The following CACNA2D3 variants were observed in gnomAD, a reference collection of about 807,000 sequenced individuals.
CACNA2D3 encodes the protein voltage-dependent calcium channel subunit alpha-2/delta-3.
CACNA2D3 carries 60 observed loss-of-function variants against 160.6 expected under a neutral mutation model. The observed-to-expected ratio is 0.37, with a 90% confidence interval of 0.30 to 0.46. The LOEUF (loss-of-function observed/expected upper bound fraction) is 0.46. CACNA2D3 is among the 20% of genes least tolerant of loss of function. The pLI, the probability that CACNA2D3 is intolerant of heterozygous loss-of-function variation, is 1.00. For synonymous variants in CACNA2D3, 558 were observed against 492.9 expected (o/e 1.13, Z -1.75); for missense variants, 1,205 against 1,365.0 (o/e 0.88, Z 1.85).
intron 35 of CACNA2D3, among the ~76,000 whole-genome samples, chr3:55,065,937 A>G (rs138858373): frequency 6.5e-4 from 99 of 152,350 alleles, no homozygotes; most frequent in African/African-American, 2.3e-3. Flanking sequence ...AATAATCATA[A>G]GGAGAAAATA....
rs36205023 is a variant in CACNA2D3, at chr3:54,926,505, T to TACACAC, written c.2449+26680_2449+26685dup. Among the ~76,000 whole-genome samples, 527 of 143,390 alleles carry TACACAC rather than the reference T, an allele frequency of 3.7e-3. 3 individuals are homozygous for TACACAC. The highest frequency in any genetic ancestry group is 9.7e-3 in the South Asian group (41 of 4,234). 94.1% of individuals were successfully genotyped at this position (143,390 alleles called of 152,430 possible). ...CTACTGTGCTCCACTGCCTGTCAAA[T>TACACAC]ACACACACACACACACACACACACA... is the stretch of plus-strand genomic sequence containing the variant. On this transcript the variant is annotated intron_variant, in intron 27 of 37. Coordinates refer to ENST00000474759, the MANE Select transcript of CACNA2D3 (RefSeq NM_018398.3).
At chr3:54,913,562 G>C (rs1005502721) in intron 27 of CACNA2D3, among the ~76,000 whole-genome samples, 2 of 152,144 alleles carry the variant, frequency 1.3e-5, no homozygotes, top group African/African-American at 2.4e-5. Flanking sequence ...ATTATGAAAG[G>C]GTTCTTATTT....
chr3:54,384,314 T>G (rs1034054593), intron 3 of CACNA2D3, among the ~76,000 whole-genome samples: 14 of 152,258 alleles, frequency 9.2e-5, no homozygotes, highest in African/African-American at 3.1e-4. Context: ...ATGTAAGTAT[T>G]CAGACATGCA....
chr3:54,888,209 C>T (rs960117914), intron 24 of CACNA2D3, among the ~76,000 whole-genome samples, 157 bp downstream of exon 24: 6 of 152,200 alleles, frequency 3.9e-5, no homozygotes, highest in Admixed American at 3.3e-4. Flanking sequence ...AGCAGATTAG[C>T]GGCTCGGGCT....
intron 29 of CACNA2D3, among the ~76,000 whole-genome samples, chr3:54,981,613 A>G (rs1702509801): frequency 6.6e-6 from 1 of 152,206 alleles, no homozygotes; most frequent in Admixed American, 6.5e-5. Context: ...TTTTATTGGC[A>G]TCCCAGGCTT....
chr3:54,201,487 G>A (rs1041971439), intron 2 of CACNA2D3, among the ~76,000 whole-genome samples: 2 of 152,150 alleles, frequency 1.3e-5, no homozygotes, highest in African/African-American at 4.8e-5. Context: ...CAACCCTTAT[G>A]GGTCGTGTTC....
intron 18 of CACNA2D3, chr3:54,877,032 G>C (rs1364746913): frequency 1.3e-5 from 2 of 152,168 alleles, no homozygotes; most frequent in East Asian, 1.9e-4. Context: ...ACCTGGGGCT[G>C]TCTCCTTTTC....
intron 3 of CACNA2D3, among the ~76,000 whole-genome samples, chr3:54,371,140 A>G (rs1024741394): frequency 6.6e-6 from 1 of 151,718 alleles, no homozygotes; most frequent in Non-Finnish European, 1.5e-5. Flanking sequence ...GGTTGTTTCC[A>G]CCTTTTGGCT....
intron 5 of CACNA2D3, among the ~76,000 whole-genome samples, chr3:54,559,580 A>G (rs1381348785): frequency 6.6e-6 from 1 of 152,186 alleles, no homozygotes; most frequent in Non-Finnish European, 1.5e-5. Flanking sequence ...GGTGTGAGCC[A>G]TCACGCCTGG....
At chr3:54,213,900 G>C (rs1360083934) in intron 2 of CACNA2D3, among the ~76,000 whole-genome samples, 2 of 152,216 alleles carry the variant, frequency 1.3e-5, no homozygotes, top group African/African-American at 4.8e-5. Flanking sequence ...CTTGCTGATA[G>C]AGCCCATTCA....
chr3:54,913,163 G>T (rs537547028), intron 27 of CACNA2D3, among the ~76,000 whole-genome samples: 1 of 152,238 alleles, frequency 6.6e-6, no homozygotes, highest in South Asian at 2.1e-4. Context: ...AATCACTGCA[G>T]CCTTGATCTC....
At chr3:54,250,884 A>T (rs548766730) in intron 2 of CACNA2D3, among the ~76,000 whole-genome samples, 108 of 152,306 alleles carry the variant, frequency 7.1e-4, no homozygotes, top group African/African-American at 2.5e-3. Context: ...GCAATATGCC[A>T]GACAGCAGCT....
chr3:54,420,680 G>T (rs191218972), intron 4 of CACNA2D3, among the ~76,000 whole-genome samples: 3 of 152,318 alleles, frequency 2.0e-5, no homozygotes, highest in Admixed American at 2.0e-4. Context: ...AATCTCAGGG[G>T]AGGAGATGTA....
rs143312193 is a variant in CACNA2D3 at position 54,134,744 on chromosome 3, T to C, written c.204+11150T>C. 4.5e-3 allele frequency among the ~76,000 whole-genome samples: 686 copies of C among 152,328 alleles called. 9 individuals carry two copies. The highest frequency in any genetic ancestry group is 0.016 in the African/African-American group (664 of 41,574). Reference sequence around the variant, plus strand: ...AGCAGAACAAGCCGGTCCTCAGTTCTCCTAGCTGGCCTTCCCCCTCCTTGC... The same window carrying C: ...AGCAGAACAAGCCGGTCCTCAGTTCCCCTAGCTGGCCTTCCCCCTCCTTGC... On this transcript the variant is annotated intron_variant, in intron 2 of 37. Transcript: ENST00000474759.
At chr3:55,023,464 C>T (rs1338708331) in intron 35 of CACNA2D3, among the ~76,000 whole-genome samples, 1 of 152,090 alleles carries the variant, frequency 6.6e-6, no homozygotes, top group Non-Finnish European at 1.5e-5. Context: ...TTTATACAGT[C>T]TTATTCTTCG....
chr3:54,791,026 G>A (rs1404140798), intron 13 of CACNA2D3, among the ~76,000 whole-genome samples: 2 of 134,250 alleles, frequency 1.5e-5, no homozygotes, highest in Admixed American at 7.8e-5. Context: ...GTCTGATTTT[G>A]GCACCTTCTT....
At chr3:54,645,937 T>A (rs1699625762) in intron 11 of CACNA2D3, among the ~76,000 whole-genome samples, 2 of 151,966 alleles carry the variant, frequency 1.3e-5, no homozygotes, top group East Asian at 3.9e-4. Flanking sequence ...GGTACCTGCC[T>A]GAGCCCTTCC....
chr3:54,579,928 C>A lies in CACNA2D3; in HGVS notation c.889-1875C>A, dbSNP rs190217603. Among the ~76,000 whole-genome samples the A allele has an allele frequency of 1.1e-3, 170 of 152,238 alleles. 2 individuals carry two copies. The highest frequency in any genetic ancestry group is 3.4e-3 in the Middle Eastern group (1 of 294). On this transcript the variant is annotated intron_variant, in intron 8 of 37. Transcript: ENST00000474759. ...TCATTGGGATATAATTTTTCAAATACTTTTTATATGACTAAAAGCAAAGAT... is the reference window on the plus strand; with the variant it reads ...TCATTGGGATATAATTTTTCAAATAATTTTTATATGACTAAAAGCAAAGAT...
chr3:54,573,121 C>A (rs2106724999), intron 8 of CACNA2D3, among the ~76,000 whole-genome samples: 1 of 152,290 alleles, frequency 6.6e-6, no homozygotes, highest in South Asian at 2.1e-4. Context: ...CCTCACTGTG[C>A]ATCTGTTTGT....
Sources: allele counts gnomAD v4.1 joint callset (sites outside exome capture counted in the v4.1 genomes callset), GRCh38; gene constraint gnomAD v4.1.1; transcripts MANE v1.5; gene names NCBI Gene and HGNC (gene_info 2026-07-23, HGNC 2026-07-21).